The following RALYL variants were observed in gnomAD, a reference collection of about 807,000 sequenced individuals.
The protein encoded by RALYL is RNA-binding Raly-like protein.
Under a neutral mutation model 35.1 loss-of-function variants are expected in RALYL, and 29 were observed. The observed-to-expected ratio is 0.83, with a 90% confidence interval of 0.61 to 1.13. The LOEUF is 1.13. RALYL is among the 50% of genes most tolerant of loss of function. RALYL has a pLI of 0.00. For missense variants in RALYL, 359 were observed against 360.4 expected (o/e 1.00, Z 0.03); for synonymous variants, 120 against 127.6 (o/e 0.94, Z 0.40).
intron 8 of RALYL, among the ~76,000 whole-genome samples, chr8:84,905,531 C>T (rs1274022957): frequency 2.0e-5 from 3 of 152,058 alleles, no homozygotes; most frequent in African/African-American, 4.8e-5. Context: ...CATTATATTG[C>T]ATTCCCACCA....
intron 1 of RALYL, among the ~76,000 whole-genome samples, chr8:84,463,389 C>T (rs1317886261): frequency 6.6e-6 from 1 of 152,030 alleles, no homozygotes; most frequent in Non-Finnish European, 1.5e-5. Context: ...ATAAAATTAA[C>T]ATTTGCCTGT....
intron 2 of RALYL, among the ~76,000 whole-genome samples, chr8:84,573,895 T>TTTTTATA (rs1313639297): frequency 6.6e-6 from 1 of 151,928 alleles, no homozygotes; most frequent in Non-Finnish European, 1.5e-5. Context: ...CTCTTCGTTA[T>TTTTTATA]TTTTATGCTT....
Position 84,653,722 on chromosome 8 carries a change from A to T in RALYL, c.257-120857A>T, listed in dbSNP as rs544680212. Among the ~76,000 whole-genome samples the T allele has an allele frequency of 6.2e-4, 93 of 149,418 alleles. No individual in the cohort carries two copies. The South Asian group carries it at 0.013, about 21-fold the overall frequency. ...ACCTCCATAAAACAGACCTTCTAAC[A>T]TACCTCCATAAAACAGACCTTCTAA... On this transcript the variant is annotated intron_variant, in intron 2 of 8. Coordinates refer to ENST00000521268, the MANE Select transcript of RALYL (RefSeq NM_173848.7).
chr8:84,722,089 A>G (rs902856670), intron 2 of RALYL, among the ~76,000 whole-genome samples: 6 of 152,104 alleles, frequency 3.9e-5, no homozygotes, highest in Non-Finnish European at 7.4e-5. Context: ...TATAGCCCAA[A>G]CTTTATTCTC....
At chr8:84,362,313 G>C (rs1853213458) in intron 1 of RALYL, among the ~76,000 whole-genome samples, 1 of 152,146 alleles carries the variant, frequency 6.6e-6, no homozygotes. Context: ...GAGGCACCAA[G>C]ATTGAAGTGA....
chr8:84,832,964 ACC>A (rs1240601744), intron 4 of RALYL, among the ~76,000 whole-genome samples: 1 of 152,148 alleles, frequency 6.6e-6, no homozygotes, highest in African/African-American at 2.4e-5. Context: ...TATAATTACT[ACC>A]CTTTAATACT....
intron 1 of RALYL, among the ~76,000 whole-genome samples, chr8:84,270,071 C>T (rs1691851945): frequency 6.6e-6 from 1 of 152,034 alleles, no homozygotes; most frequent in Non-Finnish European, 1.5e-5. Flanking sequence ...AGAATGTTGG[C>T]ATCATGTGAG....
At chr8:84,702,654 C>T (rs372352622) in intron 2 of RALYL, among the ~76,000 whole-genome samples, 7 of 151,268 alleles carry the variant, frequency 4.6e-5, no homozygotes, top group African/African-American at 1.7e-4. Context: ...TCTCTCCTTC[C>T]TTTCTTCTGT....
intron 1 of RALYL, among the ~76,000 whole-genome samples, chr8:84,424,908 C>T (rs1270555540): frequency 1.3e-5 from 2 of 151,658 alleles, no homozygotes; most frequent in African/African-American, 2.4e-5. Flanking sequence ...TCTGCAGGTT[C>T]TCAGATCTCC....
At chr8:84,606,000 G>T (rs770252057) in intron 2 of RALYL, among the ~76,000 whole-genome samples, 3 of 151,574 alleles carry the variant, frequency 2.0e-5, no homozygotes, top group African/African-American at 4.8e-5. Flanking sequence ...CACACACTTG[G>T]GTCCATTCTG....
Position 84,367,318 on chromosome 8 carries a change from A to ATTTGTTTTTGTTTTTG in RALYL, c.-23-161978_-23-161977insGTTTTTGTTTTTGTTT, listed in dbSNP as rs756622990. ...GCCATCCTGCCCAACTAATTTTTGTATTTTTTTTTTTTTTTTTTTTTTTTT... is the reference window on the plus strand; with the variant it reads ...GCCATCCTGCCCAACTAATTTTTGTATTTGTTTTTGTTTTTGTTTTTTTTTTTTTTTTTTTTTTTTT... On this transcript the variant is annotated intron_variant, in intron 1 of 8. Coordinates refer to ENST00000521268, the MANE Select transcript of RALYL (RefSeq NM_173848.7). 3.3e-4 allele frequency among the ~76,000 whole-genome samples: 9 copies of ATTTGTTTTTGTTTTTG among 27,400 alleles called. 1 individual carries two copies. Among genetic ancestry groups the ATTTGTTTTTGTTTTTG allele is most frequent in the Non-Finnish European group, 6.9e-4 (7 of 10,140 alleles). 18.0% of individuals were successfully genotyped at this position (27,400 alleles called of 152,430 possible).
intron 8 of RALYL, among the ~76,000 whole-genome samples, chr8:84,904,106 C>T (rs970254991): frequency 1.3e-5 from 2 of 152,152 alleles, no homozygotes; most frequent in Non-Finnish European, 2.9e-5. Flanking sequence ...CTAAAATATA[C>T]TATTCAACCT....
chr8:84,538,119 G>A (rs2059749238), intron 2 of RALYL, among the ~76,000 whole-genome samples: 1 of 152,158 alleles, frequency 6.6e-6, no homozygotes, highest in African/African-American at 2.4e-5. Context: ...GTGAATTGTA[G>A]AACTAACGGT....
intron 8 of RALYL, 37 bp downstream of exon 8, chr8:84,887,813 TAACAACAC>T: frequency 6.4e-7 from 1 of 1,560,260 alleles, no homozygotes; most frequent in Non-Finnish European, 8.7e-7. Flanking sequence ...ACCCTTTGGG[TAACAACAC>T]TAGCATGTTA....
At chr8:84,196,612 G>T (rs1329810217) in intron 1 of RALYL, among the ~76,000 whole-genome samples, 4 of 152,120 alleles carry the variant, frequency 2.6e-5, no homozygotes, top group African/African-American at 9.7e-5. Context: ...CACATTTCAG[G>T]AGCTCACAGG....
At chr8:84,425,143 C>T (rs538476527) in intron 1 of RALYL, among the ~76,000 whole-genome samples, 1 of 152,324 alleles carries the variant, frequency 6.6e-6, no homozygotes, top group South Asian at 2.1e-4. Flanking sequence ...ACGCCCCTCC[C>T]CCAGCCTCGC....
chr8:84,239,484 T>C (rs891063428), intron 1 of RALYL, among the ~76,000 whole-genome samples: 2 of 152,208 alleles, frequency 1.3e-5, no homozygotes, highest in Non-Finnish European at 2.9e-5. Flanking sequence ...TAAATCTCTA[T>C]GGCATTATCA....
At chr8:84,272,427 T>C (rs1834503572) in intron 1 of RALYL, among the ~76,000 whole-genome samples, 2 of 152,096 alleles carry the variant, frequency 1.3e-5, no homozygotes, top group Admixed American at 6.6e-5. Flanking sequence ...AGAGAGACAT[T>C]GAAAGGAAAA....
chr8:84,887,919 C>CCTG, intron 8 of RALYL, 143 bp downstream of exon 8: 2 of 708,524 alleles, frequency 2.8e-6, no homozygotes, highest in Non-Finnish European at 4.5e-6. Context: ...GAGTATAGTG[C>CCTG]TTTGCACATA....
Sources: allele counts gnomAD v4.1 joint callset (sites outside exome capture counted in the v4.1 genomes callset), GRCh38; gene constraint gnomAD v4.1.1; transcripts MANE v1.5; gene names NCBI Gene and HGNC (gene_info 2026-07-23, HGNC 2026-07-21).